KIAA1217: variants seen among roughly 807,000 people sequenced by gnomAD.
The protein encoded by KIAA1217 is KIAA1217, also known as sickle tail protein homolog.
A neutral mutation model predicts 163.9 loss-of-function variants in KIAA1217; 88 were observed. The ratio of observed to expected loss-of-function variants is 0.54; its 90% CI spans 0.45 to 0.64. KIAA1217 has a LOEUF of 0.64. KIAA1217 is among the 30% of genes least tolerant of loss of function. KIAA1217 has a pLI of 0.00. For missense variants in KIAA1217, 2,372 were observed against 2,475.0 expected, an observed-to-expected ratio of 0.96 and a Z score of 0.88; for synonymous variants, 903 against 923.1, an observed-to-expected ratio of 0.98 and a Z score of 0.39.
intron 1 of KIAA1217, among the ~76,000 whole-genome samples, chr10:23,784,149 A>C (rs73604418): frequency 0.072 from 10,983 of 152,120 alleles, 601 homozygotes; most frequent in African/African-American, 0.15. Context: ...ATTGTTAAAT[A>C]CTTTCTTAAT....
chr10:24,522,056 C>A (rs2071375504), intron 12 of KIAA1217, 127 bp downstream of exon 12: 2 of 1,036,798 alleles, frequency 1.9e-6, no homozygotes, highest in East Asian at 2.6e-5. Context: ...GAGGAAAAGC[C>A]CCAAGTCCTT....
At chr10:24,208,335 C>T (rs1437780891), upstream of KIAA1217, among the ~76,000 whole-genome samples, 35 of 151,408 alleles carry the variant, frequency 2.3e-4, no homozygotes, top group Admixed American at 2.2e-3. Flanking sequence ...AGAAGATTGA[C>T]TTTACTAGTT....
chr10:24,272,255 A>G (rs2076844472), intron 2 of KIAA1217, among the ~76,000 whole-genome samples: 1 of 152,236 alleles, frequency 6.6e-6, no homozygotes, highest in Non-Finnish European at 1.5e-5. Context: ...CTGCAGGTCC[A>G]GGTTAGTAAT....
At chr10:23,716,177 C>T (rs547098416) in intron 1 of KIAA1217, among the ~76,000 whole-genome samples, 92 of 152,198 alleles carry the variant, frequency 6.0e-4, no homozygotes, top group South Asian at 2.7e-3. Context: ...AGATGTTGTG[C>T]ACACAATATG....
intron 2 of KIAA1217, among the ~76,000 whole-genome samples, chr10:24,193,762 GA>G (rs1214282650): frequency 6.7e-6 from 1 of 148,910 alleles, no homozygotes; most frequent in Non-Finnish European, 1.5e-5. Context: ...AGTACTCAAG[GA>G]TTTTTTTTTT....
chr10:24,466,695 A>C, intron 5 of KIAA1217: 1 of 985,456 alleles, frequency 1.0e-6, no homozygotes. Flanking sequence ...CCAAGGATTT[A>C]GATGAAGCCA....
chr10:24,149,643 G>A (rs1348818444), intron 2 of KIAA1217, among the ~76,000 whole-genome samples: 1 of 152,010 alleles, frequency 6.6e-6, no homozygotes, highest in Non-Finnish European at 1.5e-5. Context: ...GGGAAGTTAA[G>A]GAGTACACAA....
At position 24,009,696 on chromosome 10, in the gene KIAA1217, A is replaced by G. The variant is rs147240330; in HGVS notation, c.-171+2322A>G. 4.3e-4 allele frequency among the ~76,000 whole-genome samples: 66 copies of G among 152,292 alleles called. 1 individual carries two copies. The highest frequency in any genetic ancestry group is 1.5e-3 in the African/African-American group (61 of 41,572). The stretch of plus-strand genomic sequence containing the variant: ...TGAAATGCTTAGCTCAAGGTCACAC[A>G]GTCACTAAGTGGTAAGCCCAGGATT... On this transcript the variant is annotated intron_variant, in intron 2 of 18. Transcript: ENST00000376462.
chr10:24,163,736 C>T (rs547795976), intron 2 of KIAA1217, among the ~76,000 whole-genome samples: 3 of 152,354 alleles, frequency 2.0e-5, no homozygotes, highest in African/African-American at 7.2e-5. Flanking sequence ...GCTTCATTCT[C>T]CCATTACCTA....
intron 2 of KIAA1217, among the ~76,000 whole-genome samples, chr10:24,246,023 G>GT (rs1026710493): frequency 1.3e-5 from 2 of 152,102 alleles, no homozygotes; most frequent in African/African-American, 4.8e-5. Context: ...GGACCTTTTT[G>GT]TTTTTTAATT....
intron 2 of KIAA1217, among the ~76,000 whole-genome samples, chr10:24,315,772 A>T (rs1398223475): frequency 1.3e-5 from 2 of 151,572 alleles, no homozygotes; most frequent in South Asian, 2.1e-4. Context: ...AAGAAAAAAA[A>T]AATATGTGCA....
intron 8 of KIAA1217, among the ~76,000 whole-genome samples, chr10:24,499,199 T>A (rs576199673): frequency 3.3e-5 from 5 of 152,314 alleles, no homozygotes; most frequent in African/African-American, 1.2e-4. Context: ...AAACTTCCAA[T>A]GGATTGTGGT....
chr10:23,857,976 G>A (rs1008847280), intron 1 of KIAA1217, among the ~76,000 whole-genome samples: 1 of 151,632 alleles, frequency 6.6e-6, no homozygotes, highest in Non-Finnish European at 1.5e-5. Context: ...AAAGAGGGGT[G>A]GGCCAGAGAC....
chr10:23,728,727 G>T (rs12261503), intron 1 of KIAA1217, among the ~76,000 whole-genome samples: 3,690 of 152,202 alleles, frequency 0.024, 164 homozygotes, highest in African/African-American at 0.083. Flanking sequence ...TGACTAAAAC[G>T]CCAAAAGCAA....
chr10:23,987,872 T>C (rs767365504), intron 1 of KIAA1217, among the ~76,000 whole-genome samples: 1 of 152,154 alleles, frequency 6.6e-6, no homozygotes, highest in Non-Finnish European at 1.5e-5. Context: ...CTCATTGTTA[T>C]CTTGAAAATA....
intron 1 of KIAA1217, among the ~76,000 whole-genome samples, chr10:24,214,409 G>A (rs927403768): frequency 3.9e-5 from 6 of 152,192 alleles, no homozygotes; most frequent in East Asian, 1.9e-4. Flanking sequence ...CATCCCCCAC[G>A]GCGTTGGAGG....
intron 1 of KIAA1217, among the ~76,000 whole-genome samples, chr10:23,825,007 C>T (rs1018963168): frequency 3.3e-5 from 5 of 151,944 alleles, no homozygotes; most frequent in Admixed American, 1.3e-4. Context: ...AAGATGTTAT[C>T]GGGAACATCT....
At chr10:24,202,883 G>C (rs2067339670) in intron 2 of KIAA1217, among the ~76,000 whole-genome samples, 1 of 152,146 alleles carries the variant, frequency 6.6e-6, no homozygotes, top group African/African-American at 2.4e-5. Context: ...TGAAAGAAGA[G>C]GAATTTTAGA....
chr10:24,316,202 C>A (rs907785355), intron 2 of KIAA1217, among the ~76,000 whole-genome samples: 6 of 152,136 alleles, frequency 3.9e-5, no homozygotes, highest in Non-Finnish European at 8.8e-5. Context: ...AGCTGTTCAT[C>A]AGTTGTTAAA....
Sources: allele counts gnomAD v4.1 joint callset (sites outside exome capture counted in the v4.1 genomes callset), GRCh38; gene constraint gnomAD v4.1.1; transcripts MANE v1.5; gene names NCBI Gene and HGNC (gene_info 2026-07-23, HGNC 2026-07-21).